FANCA: variants seen among roughly 807,000 people sequenced by gnomAD.
The protein encoded by FANCA is Fanconi anemia group A protein.
In FANCA, 236 loss-of-function variants were observed where a neutral mutation model predicts 194.3. The observed-to-expected ratio is 1.21, with a 90% CI of 1.09 to 1.35. FANCA has a LOEUF of 1.35. FANCA is among the 40% of genes most tolerant of loss of function. The pLI, the probability that FANCA is intolerant of heterozygous loss-of-function variation, is 0.00. For missense variants in FANCA, 2,628 were observed against 1,813.9 expected (o/e 1.45, Z -8.15); for synonymous variants, 1,014 against 715.8 (o/e 1.42, Z -6.65).
chr16:89,768,499 T>C (rs2039206799), intron 26 of FANCA, among the ~76,000 whole-genome samples: 1 of 151,934 alleles, frequency 6.6e-6, no homozygotes, highest in African/African-American at 2.4e-5. Context: ...CTACTAAAAA[T>C]ACATAAATTA....
chr16:89,779,829 C>T (rs765225834), intron 18 of FANCA, 40 bp downstream of exon 18: 2 of 1,560,286 alleles, frequency 1.3e-6, no homozygotes, highest in Non-Finnish European at 8.8e-7. Context: ...GGTCTGCACA[C>T]ACTGCAGCTG....
chr16:89,743,723 T>G (rs1424524141), intron 36 of FANCA, among the ~76,000 whole-genome samples: 1 of 151,926 alleles, frequency 6.6e-6, no homozygotes, highest in Non-Finnish European at 1.5e-5. Context: ...CTCAGGAGAC[T>G]GAGGCAGGAG....
chr16:89,771,558 T>C, intron 23 of FANCA, 120 bp downstream of exon 23: 1 of 1,189,696 alleles, frequency 8.4e-7, no homozygotes, highest in Non-Finnish European at 1.2e-6. Flanking sequence ...CTGGAACATC[T>C]GATACGACAC....
intron 14 of FANCA, among the ~76,000 whole-genome samples, chr16:89,790,834 TTTTTTTTC>T: frequency 6.6e-6 from 1 of 151,860 alleles, no homozygotes; most frequent in South Asian, 2.1e-4. Flanking sequence ...ACTCATTTTC[TTTTTTTTC>T]TTTTTGGGAT....
chr16:89,755,312 G>C (rs1332162974), intron 30 of FANCA, among the ~76,000 whole-genome samples: 1 of 151,020 alleles, frequency 6.6e-6, no homozygotes, highest in Non-Finnish European at 1.5e-5. Flanking sequence ...CCAGGTTCAA[G>C]CAAGTCTCCT....
chr16:89,757,637 T>C (rs959202874), intron 30 of FANCA, among the ~76,000 whole-genome samples: 12 of 152,164 alleles, frequency 7.9e-5, no homozygotes, highest in Non-Finnish European at 1.6e-4. Context: ...ATGCTGCAGC[T>C]GTAACACAAC....
intron 8 of FANCA, among the ~76,000 whole-genome samples, chr16:89,801,639 C>T (rs759832903): frequency 6.6e-6 from 1 of 152,130 alleles, no homozygotes; most frequent in Non-Finnish European, 1.5e-5. Context: ...TCTGTAATCC[C>T]AGCACTTCAG....
chr16:89,816,487 C>A (rs1423514585), intron 1 of FANCA, 50 bp downstream of exon 1: 1 of 1,429,146 alleles, frequency 7.0e-7, no homozygotes, highest in Non-Finnish European at 9.2e-7. Flanking sequence ...CCGGCGAAAC[C>A]GTCCCGGGCC....
intron 11 of FANCA, 58 bp from the exon 12 acceptor site, chr16:89,792,605 TTG>T: frequency 6.6e-7 from 1 of 1,506,632 alleles, no homozygotes; most frequent in African/African-American, 1.7e-5. Context: ...TTGTGGGTTT[TTG>T]TTAAGGACCA....
rs369657101 is a variant in FANCA, at chr16:89,784,828, C to T, written c.1470+26G>A. ...AGCAGGTGAGCGAAGCACCAGAAATCATGGATGTGGCAGCCAGCTTCTCAC... is the reference window on the plus strand; with the variant it reads ...AGCAGGTGAGCGAAGCACCAGAAATTATGGATGTGGCAGCCAGCTTCTCAC... On this transcript the variant is annotated intron_variant, in intron 15 of 42. Transcript: ENST00000389301. The T allele has an allele frequency of 6.4e-6, 10 of 1,563,112 alleles. No individual in the cohort carries two copies. The East Asian group carries it at 2.0e-4, about 32-fold the overall frequency.
intron 1 of FANCA, chr16:89,816,334 CT>C (rs2041123524): frequency 3.7e-6 from 1 of 270,656 alleles, no homozygotes; most frequent in Non-Finnish European, 6.8e-6. Flanking sequence ...CGGGCGGCGG[CT>C]GGGGGCGTCC....
In FANCA at chr16:89,816,546, CGGCCCAGGCCCTCCGGCGGCCCCCTG is replaced by C. The variant is rs2041137887; in HGVS notation, c.44_69del (p.Pro15ArgfsTer13). The C allele has an allele frequency of 6.7e-7, 1 of 1,499,626 alleles. No individual in the cohort carries two copies. 92.9% of individuals were successfully genotyped at this position (1,499,626 alleles called of 1,614,324 possible). A position where few individuals can be genotyped will look rare whatever the true frequency, so the allele number is the denominator to read the frequency against. ...TGCCGCGCCCACCTACCCAGCAGCT[CGGCCCAGGCCCTCCGGCGGCCCCCTG>C]GGTCCTGGCCCGAGGCGGAGTTCGG... On this transcript the variant is annotated frameshift_variant, in exon 1 of 43. Coordinates refer to ENST00000389301, the MANE Select transcript of FANCA (RefSeq NM_000135.4). LOFTEE classifies it high-confidence loss of function.
chr16:89,774,953 G>A (rs1256797353), intron 21 of FANCA, among the ~76,000 whole-genome samples: 1 of 151,790 alleles, frequency 6.6e-6, no homozygotes, highest in African/African-American at 2.4e-5. Flanking sequence ...AACTAGCAAG[G>A]CGTAGTAGTG....
chr16:89,760,706 C>T (rs533503682), intron 29 of FANCA, among the ~76,000 whole-genome samples: 4 of 152,302 alleles, frequency 2.6e-5, no homozygotes, highest in South Asian at 2.1e-4. Flanking sequence ...TGGGGGTTCA[C>T]TGCTTCATTT....
At chr16:89,812,267 G>A (rs1267236471) in intron 3 of FANCA, among the ~76,000 whole-genome samples, 1 of 150,022 alleles carries the variant, frequency 6.7e-6, no homozygotes, top group Non-Finnish European at 1.5e-5. Context: ...GAACCCAGGA[G>A]GCGGAGTTTG....
chr16:89,739,893 C>A, intron 39 of FANCA, 101 bp downstream of exon 39: 1 of 1,570,920 alleles, frequency 6.4e-7, no homozygotes. Flanking sequence ...TATAAACTTA[C>A]TTAGCAAGGA....
At chr16:89,741,050 T>C (rs2062120895) in intron 37 of FANCA, 184 bp from the exon 38 acceptor site, 2 of 638,226 alleles carry the variant, frequency 3.1e-6, no homozygotes, top group Non-Finnish European at 5.6e-6. Context: ...TAATTACTAC[T>C]GGCTGGGTCA....
At position 89,791,722 on chromosome 16, in the gene FANCA, A is replaced by T. The variant is rs2143528031; in HGVS notation, c.1226-186T>A. On this transcript the variant is annotated intron_variant, in intron 13 of 42. Coordinates refer to ENST00000389301, the MANE Select transcript of FANCA (RefSeq NM_000135.4). ...CCACTAGAGACCTGAATGAAGCAGC[A>T]GTGGACACTCTGGCCTCTCAGAGCA... The T allele has an allele frequency of 3.1e-6, 3 of 971,112 alleles. 1 individual carries two copies. In the South Asian group the frequency reaches 4.4e-5, roughly 14 times the overall value. 60.2% of individuals were successfully genotyped at this position (971,112 alleles called of 1,614,324 possible).
At chr16:89,778,161 C>CAA (rs35361961) in intron 20 of FANCA, among the ~76,000 whole-genome samples, 3,639 of 47,920 alleles carry the variant, frequency 0.076, 232 homozygotes, top group Non-Finnish European at 0.11. Flanking sequence ...GACTTCATCT[C>CAA]AAAAAAAAAA....
Sources: gnomAD v4.1 joint callset for allele counts (sites outside exome capture counted in the v4.1 genomes callset) on GRCh38, gnomAD v4.1.1 for gene constraint, MANE v1.5 for transcripts, NCBI Gene and HGNC (gene_info 2026-07-23, HGNC 2026-07-21) for gene names.